LRRIQ1: variants seen among roughly 807,000 people sequenced by gnomAD.
The protein encoded by LRRIQ1 is leucine rich repeats and IQ motif containing 1.
In LRRIQ1, 210 loss-of-function variants were observed where a neutral mutation model predicts 211.9. The ratio of observed to expected loss-of-function variants is 0.99; its 90% CI spans 0.89 to 1.11. The LOEUF (loss-of-function observed/expected upper bound fraction) is 1.11, where lower values mean the gene tolerates loss of function less well. Among genes scored for constraint, LRRIQ1 ranks in the 50% most tolerant of loss-of-function variants. The probability of loss-of-function intolerance (pLI) is 0.00; values close to 1 mark genes in which losing one functional copy is unlikely to be tolerated. For synonymous variants in LRRIQ1, 699 were observed against 650.1 expected (o/e 1.08, Z -1.14); for missense variants, 2,136 against 1,939.5 (o/e 1.10, Z -1.90).
At chr12:85,076,652 C>T (rs565219805) in intron 11 of LRRIQ1, 20 of 447,376 alleles carry the variant, frequency 4.5e-5, no homozygotes, top group South Asian at 3.8e-4. Context: ...ATTGCTGTGT[C>T]GTGGCTCATA....
intron 13 of LRRIQ1, among the ~76,000 whole-genome samples, chr12:85,102,958 A>T (rs1380615037): frequency 1.7e-5 from 2 of 118,402 alleles, no homozygotes; most frequent in Non-Finnish European, 3.4e-5. Context: ...AAAAAAAAAA[A>T]AATATATATA....
At chr12:85,152,229 T>A in intron 19 of LRRIQ1, 51 bp from the exon 20 acceptor site, 1 of 1,460,994 alleles carries the variant, frequency 6.8e-7, no homozygotes, top group East Asian at 2.3e-5. Flanking sequence ...AAAGAAACAT[T>A]GTAAAAGTTA....
At chr12:85,144,992 A>G (rs1177920715) in intron 19 of LRRIQ1, among the ~76,000 whole-genome samples, 1 of 151,364 alleles carries the variant, frequency 6.6e-6, no homozygotes, top group Non-Finnish European at 1.5e-5. Context: ...TCTGTATACA[A>G]AACTTACCTG....
At chr12:85,183,633 C>T (rs951898536) in intron 24 of LRRIQ1, among the ~76,000 whole-genome samples, 1 of 151,996 alleles carries the variant, frequency 6.6e-6, no homozygotes, top group African/African-American at 2.4e-5. Flanking sequence ...TGATTTTATC[C>T]TGTATGGAAG....
chr12:85,180,833 T>C (rs998420538), intron 24 of LRRIQ1, among the ~76,000 whole-genome samples: 2 of 151,998 alleles, frequency 1.3e-5, no homozygotes, highest in South Asian at 2.1e-4. Context: ...TTTTGAAATA[T>C]TACATTTTAA....
intron 1 of LRRIQ1, among the ~76,000 whole-genome samples, chr12:85,254,783 T>A (rs551519004): frequency 6.6e-6 from 1 of 152,134 alleles, no homozygotes; most frequent in South Asian, 2.1e-4. Context: ...CTCATTAATG[T>A]TTTATTAAAA....
At chr12:85,135,403 A>G (rs1399893686) in intron 18 of LRRIQ1, among the ~76,000 whole-genome samples, 2 of 151,768 alleles carry the variant, frequency 1.3e-5, no homozygotes, top group African/African-American at 2.4e-5. Context: ...TTTAAGGAAT[A>G]TTACTGGCCA....
Position 85,047,476 on chromosome 12 carries a change from T to G in LRRIQ1, c.678+6T>G. On this transcript the variant is annotated splice_donor_region_variant and intron_variant, in intron 6 of 26. Coordinates refer to ENST00000393217, the MANE Select transcript of LRRIQ1 (RefSeq NM_001079910.2). Reference sequence around the variant, plus strand: ...AATTAGAGAACATTCAGAAGGTATTTTGCTTTTGTTTTTCATGTATTTTTA... The same window carrying G: ...AATTAGAGAACATTCAGAAGGTATTGTGCTTTTGTTTTTCATGTATTTTTA... 1 of 1,605,008 alleles carries G rather than the reference T, an allele frequency of 6.2e-7. No homozygotes were observed. The highest frequency in any genetic ancestry group is 8.5e-7 in the Non-Finnish European group (1 of 1,176,150).
chr12:85,196,912 T>G (rs979092498), intron 24 of LRRIQ1, among the ~76,000 whole-genome samples: 1 of 151,908 alleles, frequency 6.6e-6, no homozygotes, highest in Admixed American at 6.6e-5. Flanking sequence ...GGGAGAAAAT[T>G]TTTGCAACCT....
At chr12:85,188,689 G>A (rs1244730659) in intron 24 of LRRIQ1, among the ~76,000 whole-genome samples, 1 of 152,080 alleles carries the variant, frequency 6.6e-6, no homozygotes, top group Admixed American at 6.6e-5. Context: ...GGCTGTCTTA[G>A]TGCTTCCCTT....
At chr12:85,224,385 G>T (rs1410609258) in intron 24 of LRRIQ1, among the ~76,000 whole-genome samples, 6 of 152,096 alleles carry the variant, frequency 3.9e-5, no homozygotes, top group Non-Finnish European at 8.8e-5. Flanking sequence ...CCATTAGCGG[G>T]TATATACCCA....
chr12:85,045,543 A>G (rs1200146042), intron 4 of LRRIQ1, among the ~76,000 whole-genome samples: 1 of 151,886 alleles, frequency 6.6e-6, no homozygotes, highest in Admixed American at 6.6e-5. Context: ...TATCTTTCCA[A>G]CTAAAGTATG....
At chr12:85,075,637 C>G (rs1883563014) in intron 11 of LRRIQ1, among the ~76,000 whole-genome samples, 1 of 152,178 alleles carries the variant, frequency 6.6e-6, no homozygotes, top group Non-Finnish European at 1.5e-5. Context: ...ATGATCCAAA[C>G]ACCTCCCAGC....
chr12:85,261,769 A>T (rs1444421117), intron 1 of LRRIQ1, among the ~76,000 whole-genome samples: 3 of 137,420 alleles, frequency 2.2e-5, no homozygotes, highest in Non-Finnish European at 4.6e-5. Context: ...TGTTTATTTT[A>T]TTTATTTATT....
intron 15 of LRRIQ1, among the ~76,000 whole-genome samples, chr12:85,107,741 T>C (rs1886882759): frequency 6.6e-6 from 1 of 152,104 alleles, no homozygotes; most frequent in Non-Finnish European, 1.5e-5. Context: ...TTTCCATGCC[T>C]CACTCACTCC....
intron 24 of LRRIQ1, among the ~76,000 whole-genome samples, chr12:85,161,331 C>A (rs975661415): frequency 6.6e-6 from 1 of 151,922 alleles, no homozygotes; most frequent in African/African-American, 2.4e-5. Flanking sequence ...TGACTTAAAA[C>A]GTTTGCCATC....
At chr12:85,185,962 CTATT>C (rs1223514988) in intron 24 of LRRIQ1, among the ~76,000 whole-genome samples, 5 of 151,828 alleles carry the variant, frequency 3.3e-5, no homozygotes, top group Non-Finnish European at 5.9e-5. Flanking sequence ...TTGTTTAAGA[CTATT>C]TTTATTGTTT....
rs1458483543 is a variant in LRRIQ1, at chr12:85,205,706, G to T, written c.4823-23811G>T. On this transcript the variant is annotated intron_variant, in intron 24 of 26. Coordinates refer to ENST00000393217, the MANE Select transcript of LRRIQ1 (RefSeq NM_001079910.2). ...CTGAAATATGTTTTCCAAGTAGCTT[G>T]CTTTCTCTCCATGTCTTTCTGGGAA... 2.6e-5 allele frequency among the ~76,000 whole-genome samples: 4 copies of T among 152,100 alleles called. No individual in the cohort carries two copies. The East Asian group carries it at 7.7e-4, about 29-fold the overall frequency.
intron 23 of LRRIQ1, among the ~76,000 whole-genome samples, chr12:85,156,333 T>C (rs1890540872): frequency 6.6e-6 from 1 of 151,780 alleles, no homozygotes; most frequent in African/African-American, 2.4e-5. Context: ...ACAACAGATA[T>C]ACAGATTAGA....
Sources: gnomAD v4.1 joint callset for allele counts (sites outside exome capture counted in the v4.1 genomes callset) on GRCh38, gnomAD v4.1.1 for gene constraint, MANE v1.5 for transcripts, NCBI Gene and HGNC (gene_info 2026-07-23, HGNC 2026-07-21) for gene names.